Variants in FHOD3 observed in about 807,000 individuals in gnomAD.
The protein encoded by FHOD3 is FH1/FH2 domain-containing protein 3.
In FHOD3, 90 loss-of-function variants were observed where a neutral mutation model predicts 173.0. The ratio of observed to expected loss-of-function variants is 0.52; its 90% CI spans 0.44 to 0.62. The LOEUF is 0.62. Ranked by LOEUF, FHOD3 falls within the 20% of genes least tolerant of loss-of-function variation. FHOD3 has a pLI of 0.00. For synonymous variants in FHOD3, 828 were observed against 823.0 expected, an observed-to-expected ratio of 1.01 and a Z score of -0.10; for missense variants, 1,945 against 2,034.7, an observed-to-expected ratio of 0.96 and a Z score of 0.85.
chr18:36,428,330 A>C (rs1392842847), intron 3 of FHOD3, among the ~76,000 whole-genome samples: 5 of 152,218 alleles, frequency 3.3e-5, no homozygotes, highest in African/African-American at 4.8e-5. Flanking sequence ...TAAGCGTTAA[A>C]GGATTTTTTG....
At chr18:36,589,000 CT>C (rs1269271381) in intron 6 of FHOD3, among the ~76,000 whole-genome samples, 1 of 152,212 alleles carries the variant, frequency 6.6e-6, no homozygotes, top group Non-Finnish European at 1.5e-5. Flanking sequence ...TGGACTGAGG[CT>C]TGACTTGACA....
intron 21 of FHOD3, among the ~76,000 whole-genome samples, chr18:36,742,461 A>C (rs1230185914): frequency 6.6e-6 from 1 of 152,118 alleles, no homozygotes; most frequent in Non-Finnish European, 1.5e-5. Flanking sequence ...CCACAGCCAG[A>C]AAGGAGAGTA....
At chr18:36,317,731 T>A (rs2044198587) in intron 1 of FHOD3, among the ~76,000 whole-genome samples, 1 of 152,258 alleles carries the variant, frequency 6.6e-6, no homozygotes, top group South Asian at 2.1e-4. Context: ...TTTAGTTTAA[T>A]TAGATCCCAT....
chr18:36,518,688 T>C (rs59180832), intron 5 of FHOD3, among the ~76,000 whole-genome samples: 20,974 of 152,232 alleles, frequency 0.14, 1,962 homozygotes, highest in East Asian at 0.48. Context: ...CTTTCTGGCT[T>C]TTCTTGAAGT....
At chr18:36,737,770 C>T (rs141134023) in intron 20 of FHOD3, among the ~76,000 whole-genome samples, 82 of 152,356 alleles carry the variant, frequency 5.4e-4, no homozygotes, top group African/African-American at 1.9e-3. Context: ...CTGATGCACA[C>T]TTGTGTAAAT....
At chr18:36,401,595 T>C (rs1050873442) in intron 3 of FHOD3, among the ~76,000 whole-genome samples, 1 of 152,176 alleles carries the variant, frequency 6.6e-6, no homozygotes, top group Non-Finnish European at 1.5e-5. Flanking sequence ...CCAGCCAGTA[T>C]GTGGCTTTGG....
intron 28 of FHOD3, chr18:36,777,751 T>C (rs902199453): frequency 6.6e-6 from 1 of 152,188 alleles, no homozygotes; most frequent in Non-Finnish European, 1.5e-5. Context: ...ACATTTTGTC[T>C]TGTTGAGCCA....
intron 14 of FHOD3, among the ~76,000 whole-genome samples, chr18:36,671,915 G>A (rs553855310): frequency 2.0e-5 from 3 of 152,322 alleles, no homozygotes; most frequent in South Asian, 4.1e-4. Flanking sequence ...GTGACGATGT[G>A]CCGAAAGGAC....
chr18:36,669,188 G>T (rs939141372), intron 14 of FHOD3, among the ~76,000 whole-genome samples: 11 of 151,710 alleles, frequency 7.3e-5, no homozygotes, highest in Non-Finnish European at 1.5e-5. Flanking sequence ...CTGATGGCTT[G>T]ACTCCTTTCA....
chr18:36,579,531 G>A (rs185989998), intron 6 of FHOD3, among the ~76,000 whole-genome samples: 5 of 152,284 alleles, frequency 3.3e-5, no homozygotes, highest in Non-Finnish European at 7.3e-5. Context: ...TGGTGTAAAC[G>A]TGATCCCCAA....
intron 5 of FHOD3, among the ~76,000 whole-genome samples, chr18:36,564,022 C>T (rs1859041320): frequency 6.6e-6 from 1 of 152,144 alleles, no homozygotes. Flanking sequence ...CATGGGCCGT[C>T]ACTAAGCTAG....
chr18:36,692,790 A>AT (rs1438524836), intron 16 of FHOD3, among the ~76,000 whole-genome samples: 1 of 151,908 alleles, frequency 6.6e-6, no homozygotes, highest in Non-Finnish European at 1.5e-5. Context: ...TATGGGGGGC[A>AT]TTTTTTTTCT....
intron 6 of FHOD3, among the ~76,000 whole-genome samples, chr18:36,578,766 G>T (rs1232323791): frequency 6.6e-6 from 1 of 152,150 alleles, no homozygotes. Context: ...GTCCTTGTGT[G>T]GTTGGAAGGG....
At chr18:36,325,611 C>A (rs1332725976) in intron 1 of FHOD3, among the ~76,000 whole-genome samples, 4 of 152,164 alleles carry the variant, frequency 2.6e-5, no homozygotes, top group Admixed American at 2.6e-4. Flanking sequence ...CTTGCTTTAT[C>A]CATAATAGAT....
chr18:36,596,732 A>G (rs1036829129), intron 7 of FHOD3, among the ~76,000 whole-genome samples: 2 of 152,066 alleles, frequency 1.3e-5, no homozygotes, highest in Admixed American at 1.3e-4. Flanking sequence ...ACTCTAGTAC[A>G]TGGACGGGGG....
intron 17 of FHOD3, among the ~76,000 whole-genome samples, chr18:36,703,482 A>G (rs368459238): frequency 7.9e-5 from 12 of 152,304 alleles, no homozygotes; most frequent in African/African-American, 2.4e-4. Flanking sequence ...TATTTCTCAC[A>G]TGGGGACATC....
At chr18:36,587,657 G>T (rs2059081336) in intron 6 of FHOD3, among the ~76,000 whole-genome samples, 1 of 152,104 alleles carries the variant, frequency 6.6e-6, no homozygotes, top group Non-Finnish European at 1.5e-5. Flanking sequence ...TGGGCTTGGT[G>T]GTGCATGCCT....
At chr18:36,675,705 A>G (rs1022511435) in intron 14 of FHOD3, among the ~76,000 whole-genome samples, 22 of 152,180 alleles carry the variant, frequency 1.4e-4, no homozygotes, top group Non-Finnish European at 2.4e-4. Flanking sequence ...GAGCACGGAG[A>G]CTAGCATATA....
At chr18:36,303,794 C>T (rs1204512013) in intron 1 of FHOD3, among the ~76,000 whole-genome samples, 2 of 152,112 alleles carry the variant, frequency 1.3e-5, no homozygotes, top group Non-Finnish European at 1.5e-5. Context: ...GCTGGGTCCT[C>T]CTCTGCTGGC....
Sources: allele counts gnomAD v4.1 joint callset (sites outside exome capture counted in the v4.1 genomes callset), GRCh38; gene constraint gnomAD v4.1.1; transcripts MANE v1.5; gene names NCBI Gene and HGNC (gene_info 2026-07-23, HGNC 2026-07-21).